RAB3D: variants seen among roughly 807,000 people sequenced by gnomAD.
RAB3D encodes the protein ras-related protein Rab-3D.
RAB3D carries 17 observed loss-of-function variants against 19.3 expected under a neutral mutation model. The observed-to-expected ratio is 0.88, with a 90% CI of 0.60 to 1.32. The LOEUF (loss-of-function observed/expected upper bound fraction) is 1.32, where lower values mean the gene tolerates loss of function less well. Among genes scored for constraint, RAB3D ranks in the 40% most tolerant of loss-of-function variants. The pLI, the probability that RAB3D is intolerant of heterozygous loss-of-function variation, is 0.00. For synonymous variants in RAB3D, 103 were observed against 119.9 expected (o/e 0.86, Z 0.92); for missense variants, 223 against 299.1 (o/e 0.75, Z 1.88).
chr19:11,326,249 C>T (rs934343834), intron 4 of RAB3D, among the ~76,000 whole-genome samples: 3 of 150,230 alleles, frequency 2.0e-5, no homozygotes, highest in East Asian at 1.9e-4. Context: ...GGCATGGTGG[C>T]GTTCACCTGC....
intron 4 of RAB3D, among the ~76,000 whole-genome samples, chr19:11,332,762 C>G (rs987319514): frequency 6.6e-6 from 1 of 152,050 alleles, no homozygotes; most frequent in Non-Finnish European, 1.5e-5. Flanking sequence ...ATTACAAGCA[C>G]ATGCCACCAT....
chr19:11,338,389 G>T (rs1027876564), intron 1 of RAB3D, among the ~76,000 whole-genome samples: 2 of 152,182 alleles, frequency 1.3e-5, no homozygotes, highest in Admixed American at 1.3e-4. Context: ...AAGCTGGGGT[G>T]GGGTGGGGGG....
Position 11,327,140 on chromosome 19 carries a change from C to T in RAB3D, c.473-1555G>A, listed in dbSNP as rs561415095. On this transcript the variant is annotated intron_variant, in intron 4 of 4. Transcript: ENST00000222120. ...TAATTACCCATTTATTATCTGTCTC[C>T]GCTACTAGAAAGCCAGCTCCAGGCA... 203 of 339,266 alleles carry T rather than the reference C, an allele frequency of 6.0e-4. 2 individuals are homozygous for T. The South Asian group carries it at 8.0e-3, about 13-fold the overall frequency. 21.0% of individuals were successfully genotyped at this position (339,266 alleles called of 1,614,324 possible).
At position 11,337,417 on chromosome 19, in the gene RAB3D, G is replaced by C; in HGVS notation, c.-18C>G. ...GATGCCATCTTGGCACAAGCCTCCT[G>C]GGACAGGGAGACCTGAAATCCTCAG... On this transcript the variant is annotated 5_prime_UTR_variant, in exon 2 of 5. Coordinates refer to ENST00000222120, the MANE Select transcript of RAB3D (RefSeq NM_004283.4). 6.2e-7 allele frequency: 1 copy of C among 1,606,078 alleles called. No individual in the cohort carries two copies. The highest frequency in any genetic ancestry group is 8.5e-7 in the Non-Finnish European group (1 of 1,172,816).
At chr19:11,326,290 A>G (rs1374992671) in intron 4 of RAB3D, among the ~76,000 whole-genome samples, 1 of 151,874 alleles carries the variant, frequency 6.6e-6, no homozygotes, top group African/African-American at 2.4e-5. Flanking sequence ...TTAAGGCAGG[A>G]GAATGGTTTG....
In RAB3D at chr19:11,325,370, G is replaced by A. The variant is rs2080805802; in HGVS notation, c.*28C>T. The stretch of plus-strand genomic sequence containing the variant: ...TCACAGTCCCTGCCGAGGCAGGAGA[G>A]GGGTGGGTGGGGGGTTGGGGGCCAT... On this transcript the variant is annotated 3_prime_UTR_variant, in exon 5 of 5. Coordinates refer to ENST00000222120, the MANE Select transcript of RAB3D (RefSeq NM_004283.4). The A allele has an allele frequency of 1.4e-6, 2 of 1,439,088 alleles. No homozygotes were observed. Among genetic ancestry groups the A allele is most frequent in the Non-Finnish European group, 1.9e-6 (2 of 1,063,454 alleles). 89.1% of individuals were successfully genotyped at this position (1,439,088 alleles called of 1,614,324 possible).
At chr19:11,334,454 G>C (rs1056254437) in intron 4 of RAB3D, among the ~76,000 whole-genome samples, 6 of 152,050 alleles carry the variant, frequency 3.9e-5, no homozygotes, top group African/African-American at 1.4e-4. Flanking sequence ...GGGCAACAGA[G>C]GGAGACTCCA....
intron 4 of RAB3D, among the ~76,000 whole-genome samples, chr19:11,327,982 A>G (rs1369207796): frequency 6.6e-6 from 1 of 152,064 alleles, no homozygotes; most frequent in Non-Finnish European, 1.5e-5. Flanking sequence ...TGGGTACCTG[A>G]GCTCACAAGT....
In RAB3D at chr19:11,324,789, T is replaced by A. The variant is rs958661167; in HGVS notation, c.*609A>T. 1 of 152,578 alleles carries A rather than the reference T, an allele frequency of 6.6e-6. No individual in the cohort carries two copies. The highest frequency in any genetic ancestry group is 1.5e-5 in the Non-Finnish European group (1 of 68,066). 9.5% of individuals were successfully genotyped at this position (152,578 alleles called of 1,614,324 possible). ...AGGGGATCTGACTCCCTGTCCCTTC[T>A]ACAATGGGAAAAGGCTGCTTCAATG... On this transcript the variant is annotated 3_prime_UTR_variant, in exon 5 of 5. Coordinates refer to ENST00000222120, the MANE Select transcript of RAB3D (RefSeq NM_004283.4).
Position 11,325,331 on chromosome 19 carries a change from G to A in RAB3D, c.*67C>T, listed in dbSNP as rs2080805420. 1.9e-6 allele frequency: 2 copies of A among 1,049,808 alleles called. No homozygotes were observed. Among genetic ancestry groups the A allele is most frequent in the Non-Finnish European group, 2.8e-6 (2 of 725,982 alleles). 65.0% of individuals were successfully genotyped at this position (1,049,808 alleles called of 1,614,324 possible). ...CCCTGAGCTTGGAGATAACCACTGT[G>A]GCTCACGCCTCGATCACAGTCCCTG... is the stretch of plus-strand genomic sequence containing the variant. On this transcript the variant is annotated 3_prime_UTR_variant, in exon 5 of 5. Transcript: ENST00000222120.
intron 4 of RAB3D, among the ~76,000 whole-genome samples, chr19:11,333,101 A>G (rs1460514105): frequency 1.4e-5 from 2 of 147,772 alleles, no homozygotes; most frequent in Non-Finnish European, 3.0e-5. Flanking sequence ...TTTTTTTGAG[A>G]AAGAGTCCTG....
intron 2 of RAB3D, among the ~76,000 whole-genome samples, chr19:11,336,220 T>G (rs1966894259): frequency 6.6e-6 from 1 of 152,142 alleles, no homozygotes; most frequent in Non-Finnish European, 1.5e-5. Context: ...GCAGACCAGG[T>G]CGGTCCAATG....
At chr19:11,326,646 C>T (rs2080814832) in intron 4 of RAB3D, 1 of 528,628 alleles carries the variant, frequency 1.9e-6, no homozygotes, top group Non-Finnish European at 3.4e-6. Context: ...CTCTATTGCC[C>T]AGGCCGGGGT....
At chr19:11,339,448 A>C (rs1966929452) in intron 1 of RAB3D, 21 bp downstream of exon 1, 1 of 151,452 alleles carries the variant, frequency 6.6e-6, no homozygotes, top group Non-Finnish European at 1.5e-5. Context: ...CCTTCCTCCC[A>C]AACCCCCGTA....
At chr19:11,330,211 G>A (rs951292926) in intron 4 of RAB3D, among the ~76,000 whole-genome samples, 1 of 152,166 alleles carries the variant, frequency 6.6e-6, no homozygotes, top group Non-Finnish European at 1.5e-5. Flanking sequence ...AAGGGGAAAG[G>A]GACTGGTTAT....
chr19:11,329,387 C>G lies in RAB3D; in HGVS notation c.473-3802G>C, dbSNP rs985383425. On this transcript the variant is annotated intron_variant, in intron 4 of 4. Coordinates refer to ENST00000222120, the MANE Select transcript of RAB3D (RefSeq NM_004283.4). ...AGTTTGGGAGGCCGAGGCAGCGGAT[C>G]ACCTGAGGTCAGGAGTTTGATACCA... Among the ~76,000 whole-genome samples the G allele has an allele frequency of 5.3e-5, 8 of 151,766 alleles. No homozygotes were observed. In the East Asian group the frequency reaches 1.6e-3, roughly 30 times the overall value.
At chr19:11,337,531 T>C (rs1465157270) in intron 1 of RAB3D, 71 bp from the exon 2 acceptor site, 1 of 719,862 alleles carries the variant, frequency 1.4e-6, no homozygotes, top group East Asian at 2.6e-5. Context: ...CTCAGCTCGG[T>C]CACTCGGAGA....
rs139194537 is a variant in RAB3D at position 11,335,496 on chromosome 19, G to A, written c.423C>T (p.Asp141=). The A allele has an allele frequency of 2.4e-4, 384 of 1,614,098 alleles. 2 individuals are homozygous for A. Among genetic ancestry groups the A allele is most frequent in the Middle Eastern group, 6.6e-4 (4 of 6,084 alleles). Residue 141 remains aspartate, a synonymous_variant, in exon 4 of 5, where the codon GAC becomes GAT. Coordinates refer to ENST00000222120, the MANE Select transcript of RAB3D (RefSeq NM_004283.4). The part of the protein sequence containing the change: ...ILVGNKCDLE[D]ERVVPAEDGR... ...CATCCTCAGCAGGCACAACACGTTC[G>A]TCCTCCAGGTCACACTTGTTCCCCA...
intron 2 of RAB3D, 36 bp downstream of exon 2, chr19:11,337,136 C>A (rs878880904): frequency 3.8e-6 from 6 of 1,574,800 alleles, no homozygotes; most frequent in South Asian, 2.2e-5. Context: ...CCTGGAGGGA[C>A]CCCACCCCCA....
Sources: gnomAD v4.1 joint callset for allele counts (sites outside exome capture counted in the v4.1 genomes callset) on GRCh38, gnomAD v4.1.1 for gene constraint, MANE v1.5 for transcripts, NCBI Gene and HGNC (gene_info 2026-07-23, HGNC 2026-07-21) for gene names.